DPYSL3: variants seen among roughly 807,000 people sequenced by gnomAD.
The protein encoded by DPYSL3 is dihydropyrimidinase like 3.
DPYSL3 carries 16 observed loss-of-function variants against 66.1 expected under a neutral mutation model. The ratio of observed to expected loss-of-function variants is 0.24; its 90% CI spans 0.16 to 0.37. DPYSL3 has a LOEUF of 0.37. DPYSL3 is among the 10% of genes least tolerant of loss of function. The pLI is 1.00. For synonymous variants in DPYSL3, 338 were observed against 345.1 expected, an observed-to-expected ratio of 0.98 and a Z score of 0.23; for missense variants, 738 against 916.2, an observed-to-expected ratio of 0.81 and a Z score of 2.51.
intron 1 of DPYSL3, among the ~76,000 whole-genome samples, chr5:147,447,697 C>G (rs1752652396): frequency 6.6e-6 from 1 of 152,108 alleles, no homozygotes; most frequent in South Asian, 2.1e-4. Flanking sequence ...ATGGAGAAAC[C>G]CTGTCTCTAC....
At chr5:147,412,522 A>G (rs1379120522) in intron 6 of DPYSL3, 86 bp downstream of exon 6, 1 of 1,347,730 alleles carries the variant, frequency 7.4e-7, no homozygotes, top group African/African-American at 1.4e-5. Context: ...CCTTGCACAT[A>G]TTGAGAGCTC....
chr5:147,404,029 G>A (rs1758268997), intron 8 of DPYSL3, among the ~76,000 whole-genome samples: 1 of 152,174 alleles, frequency 6.6e-6, no homozygotes, highest in East Asian at 1.9e-4. Flanking sequence ...CTCAGCAGAG[G>A]GCATGAGGGC....
Position 147,400,520 on chromosome 5 carries a change from C to G in DPYSL3, c.1452+172G>C, listed in dbSNP as rs372344465. On this transcript the variant is annotated intron_variant, in intron 10 of 13. Transcript: ENST00000343218. ...ATGCTAGGCCTTAGGATTCATCACA[C>G]TAGAAGGAAATTTTCCACACTGCCA... 9.2e-5 allele frequency among the ~76,000 whole-genome samples: 14 copies of G among 152,342 alleles called. No individual in the cohort carries two copies. The East Asian group carries it at 2.7e-3, about 29-fold the overall frequency.
chr5:147,502,951 T>C (rs73794775), intron 1 of DPYSL3, among the ~76,000 whole-genome samples: 1 of 152,050 alleles, frequency 6.6e-6, no homozygotes, highest in African/African-American at 2.4e-5. Context: ...TCCCTTCTTA[T>C]TCACAAGCTA....
chr5:147,444,514 C>A (rs191949937), intron 1 of DPYSL3, among the ~76,000 whole-genome samples: 1 of 152,266 alleles, frequency 6.6e-6, no homozygotes, highest in African/African-American at 2.4e-5. Context: ...ATATGACACT[C>A]TTATAACACA....
intron 1 of DPYSL3, among the ~76,000 whole-genome samples, chr5:147,494,540 G>T (rs1753469039): frequency 1.3e-5 from 2 of 151,668 alleles, no homozygotes; most frequent in South Asian, 4.2e-4. Flanking sequence ...ATGAAATAGG[G>T]ACATCACTAT....
At chr5:147,469,443 C>T (rs974177524) in intron 1 of DPYSL3, among the ~76,000 whole-genome samples, 1 of 152,166 alleles carries the variant, frequency 6.6e-6, no homozygotes, top group African/African-American at 2.4e-5. Flanking sequence ...GTTTTCTCCT[C>T]TATAAAATAG....
chr5:147,450,878 G>A (rs1752715134), intron 1 of DPYSL3, among the ~76,000 whole-genome samples: 1 of 152,078 alleles, frequency 6.6e-6, no homozygotes, highest in Non-Finnish European at 1.5e-5. Flanking sequence ...AGGAATAGAG[G>A]TGGCATAGAA....
chr5:147,507,293 A>G (rs950216227), intron 1 of DPYSL3, among the ~76,000 whole-genome samples: 1 of 152,174 alleles, frequency 6.6e-6, no homozygotes, highest in African/African-American at 2.4e-5. Flanking sequence ...TCCAAAGGTC[A>G]GAACTAAGAA....
chr5:147,420,416 T>C (rs1459518341), intron 2 of DPYSL3, among the ~76,000 whole-genome samples: 2 of 152,208 alleles, frequency 1.3e-5, no homozygotes, highest in Non-Finnish European at 2.9e-5. Flanking sequence ...TAATACTTGA[T>C]ATGCCACTCC....
intron 1 of DPYSL3, among the ~76,000 whole-genome samples, chr5:147,479,591 C>T (rs760953222): frequency 2.0e-5 from 3 of 152,208 alleles, no homozygotes; most frequent in Non-Finnish European, 2.9e-5. Context: ...CAGAGCCAAT[C>T]TAAGACAGGC....
At chr5:147,409,989 TCTCCAG>T (rs1751813215) in intron 6 of DPYSL3, among the ~76,000 whole-genome samples, 1 of 152,176 alleles carries the variant, frequency 6.6e-6, no homozygotes, top group South Asian at 2.1e-4. Flanking sequence ...ATGGTCACTA[TCTCCAG>T]CTCTACAGAA....
chr5:147,457,502 A>C (rs940758077), intron 1 of DPYSL3, among the ~76,000 whole-genome samples: 4 of 152,236 alleles, frequency 2.6e-5, no homozygotes, highest in Admixed American at 2.0e-4. Flanking sequence ...TAGAATGTAG[A>C]TTTTACAGTA....
intron 1 of DPYSL3, among the ~76,000 whole-genome samples, chr5:147,506,257 T>C (rs1014202146): frequency 1.3e-5 from 2 of 152,068 alleles, no homozygotes; most frequent in Middle Eastern, 3.2e-3. Context: ...TAAAATCCTA[T>C]AGTTAAGATT....
At chr5:147,475,978 C>T (rs1191955292) in intron 1 of DPYSL3, among the ~76,000 whole-genome samples, 1 of 152,048 alleles carries the variant, frequency 6.6e-6, no homozygotes, top group Non-Finnish European at 1.5e-5. Context: ...AAATATCTTA[C>T]TTGTACAAAC....
chr5:147,496,071 A>G (rs923673070), intron 1 of DPYSL3, among the ~76,000 whole-genome samples: 1 of 152,196 alleles, frequency 6.6e-6, no homozygotes, highest in Non-Finnish European at 1.5e-5. Context: ...ATGGAACAGA[A>G]CAGAGCCCTC....
chr5:147,452,629 G>T (rs1403732902), intron 1 of DPYSL3, among the ~76,000 whole-genome samples: 1 of 152,130 alleles, frequency 6.6e-6, no homozygotes, highest in Non-Finnish European at 1.5e-5. Context: ...CGGAATCCCA[G>T]CCTTGCTGGG....
intron 1 of DPYSL3, among the ~76,000 whole-genome samples, chr5:147,468,434 A>G (rs1489213591): frequency 3.3e-5 from 5 of 152,226 alleles, no homozygotes; most frequent in Non-Finnish European, 7.3e-5. Context: ...CATCTACTAC[A>G]GAATTTAATT....
At chr5:147,441,968 T>C (rs947717464) in intron 1 of DPYSL3, among the ~76,000 whole-genome samples, 4 of 152,214 alleles carry the variant, frequency 2.6e-5, no homozygotes, top group Admixed American at 6.5e-5. Flanking sequence ...CTCTAAGTTT[T>C]CTGAGGCCCT....
Sources: gnomAD v4.1 joint callset for allele counts (sites outside exome capture counted in the v4.1 genomes callset) on GRCh38, gnomAD v4.1.1 for gene constraint, MANE v1.5 for transcripts, NCBI Gene and HGNC (gene_info 2026-07-23, HGNC 2026-07-21) for gene names.